ZNF418: variants seen among roughly 807,000 people sequenced by gnomAD.
ZNF418 encodes the protein zinc finger protein 418.
ZNF418 carries 32 observed loss-of-function variants against 32.0 expected under a neutral mutation model. That is an observed-to-expected ratio of 1.00 (90% CI 0.75 to 1.34). The LOEUF (loss-of-function observed/expected upper bound fraction) is 1.34. ZNF418 is among the 40% of genes most tolerant of loss of function. The probability of loss-of-function intolerance (pLI) is 0.00; values close to 1 mark genes in which losing one functional copy is unlikely to be tolerated. For synonymous variants in ZNF418, 276 were observed against 270.7 expected, an observed-to-expected ratio of 1.02 and a Z score of -0.19; for missense variants, 804 against 812.5, an observed-to-expected ratio of 0.99 and a Z score of 0.13.
At position 57,930,039 on chromosome 19, in the gene ZNF418, C is replaced by T. The variant is rs928692308; in HGVS notation, c.133+389G>A. On this transcript the variant is annotated intron_variant, in intron 3 of 5. Transcript: ENST00000396147. ...CTTTGGTCTATGTAGGCAGTGACAA[C>T]GGGAGTGATGGCAATTCCTGCCACA... 4.6e-5 allele frequency among the ~76,000 whole-genome samples: 7 copies of T among 152,126 alleles called. No homozygotes were observed. In the South Asian group the frequency reaches 8.3e-4, roughly 18 times the overall value.
chr19:57,926,937 T>C lies in ZNF418; in HGVS notation c.1244A>G (p.Asn415Ser). ...TTCTCCAGTGTGACCTCGCTGATGGTTCCTAAGGTGTCCCTTTCGACTAAA... is the reference window on the plus strand; with the variant it reads ...TTCTCCAGTGTGACCTCGCTGATGGCTCCTAAGGTGTCCCTTTCGACTAAA... ...KSFSRKGHLR[N>S]HQRGHTGERP... is the part of the protein sequence containing the mutation. Residue 415 changes from asparagine (N) to serine (S), a missense_variant, in exon 4 of 6, where the codon AAC (asparagine) becomes AGC (serine). By Grantham distance (46) the Asn-to-Ser change is conservative. Transcript: ENST00000396147. 3 of 1,613,950 alleles carry C rather than the reference T, an allele frequency of 1.9e-6. No individual in the cohort carries two copies. The South Asian group carries it at 3.3e-5, about 18-fold the overall frequency.
chr19:57,924,083 G>A (rs530130250), intron 4 of ZNF418, among the ~76,000 whole-genome samples: 1 of 151,638 alleles, frequency 6.6e-6, no homozygotes, highest in East Asian at 1.9e-4. Flanking sequence ...CGAGGCTGCA[G>A]TGAACTATGA....
chr19:57,927,123 T>G lies in ZNF418; in HGVS notation c.1058A>C (p.Gln353Pro). The G allele has an allele frequency of 6.2e-7, 1 of 1,613,858 alleles. No homozygotes were observed. Among genetic ancestry groups the G allele is most frequent in the Non-Finnish European group, 8.5e-7 (1 of 1,179,948 alleles). The stretch of plus-strand genomic sequence containing the variant: ...TTGATGTTGAATGAGATTGCCCTTC[T>G]GAGTAAAACATTTCCCACATTCTTC... ...ECEECGKCFT[Q>P]KGNLIQHQRG... The change falls in exon 4 of 6, where the codon CAG becomes CCG. Residue 353 changes from glutamine to proline, a missense_variant. Physicochemically the swap from Gln to Pro is moderately conservative, Grantham distance 76. Coordinates refer to ENST00000396147, the MANE Select transcript of ZNF418 (RefSeq NM_133460.3).
intron 4 of ZNF418, among the ~76,000 whole-genome samples, chr19:57,924,891 G>C (rs1380812650): frequency 1.3e-5 from 2 of 152,104 alleles, no homozygotes; most frequent in East Asian, 3.9e-4. Context: ...GGAGTCTTTG[G>C]AGGCCTTGGG....
In ZNF418 at chr19:57,926,908, G is replaced by A. The variant is rs200856326; in HGVS notation, c.1273C>T (p.Pro425Ser). ...TTCCCACATTCTCCACACTCGTAAG[G>A]TCTTTCTCCAGTGTGACCTCGCTGA... ...NHQRGHTGER[P>S]YECGECGKSF... Residue 425 changes from proline (P) to serine (S), a missense_variant, in exon 4 of 6, where the codon CCT (proline) becomes TCT (serine). This residue lies in a region of ZNF418 where 475 missense variants were observed against 458.6 expected (regional missense o/e 1.04). Transcript: ENST00000396147. 3 of 1,613,960 alleles carry A rather than the reference G, an allele frequency of 1.9e-6. No homozygotes were observed. The highest frequency in any genetic ancestry group is 2.2e-5 in the East Asian group (1 of 44,882).
chr19:57,928,094 A>G (rs1262177311), intron 3 of ZNF418, 47 bp from the exon 4 acceptor site: 1 of 1,445,204 alleles, frequency 6.9e-7, no homozygotes, highest in Admixed American at 2.3e-5. Flanking sequence ...TCTGGTGGGA[A>G]GGCACAGCCC....
rs1407325036 is a variant in ZNF418, at chr19:57,930,536, C to G, written c.25G>C (p.Asp9His). The G allele has an allele frequency of 1.2e-6, 2 of 1,613,958 alleles. No individual in the cohort carries two copies. Among genetic ancestry groups the G allele is most frequent in the African/African-American group, 2.7e-5 (2 of 74,896 alleles). Residue 9 changes from aspartate (D) to histidine (H), a missense_variant, in exon 3 of 6, where the codon GAT becomes CAT. Around this residue, in one of 3 missense-constraint regions of ZNF418, gnomAD observed 307 missense variants for 304.9 expected, o/e 1.01. Transcript: ENST00000396147. MQGTVAFE[D>H]VAVNFSQEEW... Reference sequence around the variant, plus strand: ...TCCTGGGAAAAGTTCACAGCCACATCTTCAAATGCCACAGTGCCCTGCTAT... The same window carrying G: ...TCCTGGGAAAAGTTCACAGCCACATGTTCAAATGCCACAGTGCCCTGCTAT...
In ZNF418 at chr19:57,935,319, C is replaced by T; in HGVS notation, c.-239G>A. On this transcript the variant is annotated 5_prime_UTR_variant, in exon 1 of 6. Transcript: ENST00000396147. ...CAGACACCGCGGTTCGGACCCATAG[C>T]TCCAGCGCCTCTCACCTCACAAACC... 4 of 817,644 alleles carry T rather than the reference C, an allele frequency of 4.9e-6. No individual in the cohort carries two copies. Among genetic ancestry groups the T allele is most frequent in the Non-Finnish European group, 6.1e-6 (4 of 653,208 alleles). The allele number at this position is 817,644 out of a possible 1,614,324, so 50.6% of individuals were successfully genotyped here.
intron 4 of ZNF418, among the ~76,000 whole-genome samples, chr19:57,924,473 A>C (rs1487820578): frequency 1.3e-5 from 2 of 152,204 alleles, no homozygotes; most frequent in Admixed American, 1.3e-4. Context: ...CACAAGATTC[A>C]TAATTATGGA....
intron 2 of ZNF418, 113 bp downstream of exon 2, chr19:57,933,704 G>C: frequency 6.5e-6 from 9 of 1,374,392 alleles, no homozygotes; most frequent in Admixed American, 1.7e-5. Flanking sequence ...CTGGGCGATA[G>C]AGCGAGACTC....
At position 57,927,590 on chromosome 19, in the gene ZNF418, C is replaced by T; in HGVS notation, c.591G>A (p.Gln197=). Residue 197 remains glutamine, a synonymous_variant, in exon 4 of 6, where the codon CAG becomes CAA. Coordinates refer to ENST00000396147, the MANE Select transcript of ZNF418 (RefSeq NM_133460.3). Reference sequence around the variant, plus strand: ...CACAGCTGTAATGAGTATCTCCCCACTGAAAGGGAGACTCACACTCAGGTT... The same window carrying T: ...CACAGCTGTAATGAGTATCTCCCCATTGAAAGGGAGACTCACACTCAGGTT... ...NSKPECESPF[Q]WGDTHYSCGE... is the part of the protein sequence containing the mutation. 1 of 1,614,174 alleles carries T rather than the reference C, an allele frequency of 6.2e-7. No individual in the cohort carries two copies. The highest frequency in any genetic ancestry group is 1.3e-5 in the African/African-American group (1 of 75,054).
intron 2 of ZNF418, chr19:57,932,778 C>A (rs1319159290): frequency 4.2e-6 from 2 of 473,566 alleles, no homozygotes; most frequent in Admixed American, 8.2e-5. Flanking sequence ...GAATGAAAAC[C>A]CCCAAGCACC....
chr19:57,934,279 G>T, intron 1 of ZNF418: 1 of 980,974 alleles, frequency 1.0e-6, no homozygotes, highest in Non-Finnish European at 1.2e-6. Context: ...AGGCCGGAGT[G>T]CAATGGCTCA....
In ZNF418 at chr19:57,926,809, C is replaced by CT. The variant is rs1395021699; in HGVS notation, c.1371dup (p.Glu458ArgfsTer3). 1.9e-6 allele frequency: 3 copies of CT among 1,614,050 alleles called. No individual in the cohort carries two copies. The African/African-American group carries it at 4.0e-5, about 22-fold the overall frequency. ...TTGCCCCTAAATAATTTCCTACACT[C>CT]TCTACACTCATAAGGCCTTTCTCCA... is the stretch of plus-strand genomic sequence containing the variant. On this transcript the variant is annotated frameshift_variant, in exon 4 of 6. Coordinates refer to ENST00000396147, the MANE Select transcript of ZNF418 (RefSeq NM_133460.3). LOFTEE classifies it low-confidence loss of function (END_TRUNC).
rs191488735 is a variant in ZNF418 at position 57,922,405 on chromosome 19, T to C, written c.*850A>G. 7.3e-4 allele frequency: 287 copies of C among 395,470 alleles called. No homozygotes were observed. Among genetic ancestry groups the C allele is most frequent in the African/African-American group, 5.3e-3 (260 of 48,706 alleles). The allele number at this position is 395,470 out of a possible 1,614,324, so 24.5% of individuals were successfully genotyped here. A position where few individuals can be genotyped will look rare whatever the true frequency, so the allele number is the denominator to read the frequency against. On this transcript the variant is annotated 3_prime_UTR_variant, in exon 6 of 6. Coordinates refer to ENST00000396147, the MANE Select transcript of ZNF418 (RefSeq NM_133460.3). ...GTCTCCAGTTAAATGAGTTCCCCTA[T>C]TGCTGTGTAATTCACAAGAAATTCT...
intron 2 of ZNF418, among the ~76,000 whole-genome samples, chr19:57,932,110 T>C (rs1001459970): frequency 2.6e-5 from 4 of 152,162 alleles, no homozygotes; most frequent in Admixed American, 2.0e-4. Flanking sequence ...GAAGAGGGTG[T>C]GATAGCCCCT....
chr19:57,929,864 T>C (rs1344765594), intron 3 of ZNF418, among the ~76,000 whole-genome samples: 3 of 152,086 alleles, frequency 2.0e-5, no homozygotes, highest in Non-Finnish European at 4.4e-5. Flanking sequence ...TTTGTATTTT[T>C]TAGTGGAGAC....
chr19:57,927,996 G>T lies in ZNF418; in HGVS notation c.185C>A (p.Ser62Tyr), dbSNP rs374743253. ...DEEAPSKKSI[S>Y]IQRVSQVSTP... ...GCTGACCTGAGACACTCTTTGTATA[G>T]AAATGCTCTTCTTAGAAGGTGCCTC... is the stretch of plus-strand genomic sequence containing the variant. The change falls in exon 4 of 6, where the codon TCT becomes TAT. Residue 62 changes from serine (S) to tyrosine (Y), a missense_variant. By Grantham distance (144) the Ser-to-Tyr change is moderately radical. Coordinates refer to ENST00000396147, the MANE Select transcript of ZNF418 (RefSeq NM_133460.3). 3.2e-5 allele frequency: 51 copies of T among 1,584,050 alleles called. No individual in the cohort carries two copies. In the African/African-American group the frequency reaches 5.8e-4, roughly 18 times the overall value.
Position 57,926,103 on chromosome 19 carries a change from CAAG to C in ZNF418, c.*44_*46del, listed in dbSNP as rs2122749918. ...CCTGATCCAGTAAGAACCCTCTGATCAAGAAGATGCACAGAGGTTTAGCTAAAG... is the reference window on the plus strand; with the variant it reads ...CCTGATCCAGTAAGAACCCTCTGATCAAGATGCACAGAGGTTTAGCTAAAG... On this transcript the variant is annotated 3_prime_UTR_variant, in exon 4 of 6. Coordinates refer to ENST00000396147, the MANE Select transcript of ZNF418 (RefSeq NM_133460.3). 6.6e-7 allele frequency: 1 copy of C among 1,506,646 alleles called. No individual in the cohort carries two copies. Among genetic ancestry groups the C allele is most frequent in the South Asian group, 1.2e-5 (1 of 80,310 alleles). The allele number at this position is 1,506,646 out of a possible 1,614,324, so 93.3% of individuals were successfully genotyped here.
Sources: gnomAD v4.1 joint callset for allele counts (sites outside exome capture counted in the v4.1 genomes callset) on GRCh38, gnomAD v4.1.1 for gene constraint, gnomAD v4.1.1 regional missense constraint, MANE v1.5 for transcripts, NCBI Gene and HGNC (gene_info 2026-07-23, HGNC 2026-07-21) for gene names.